TTLL5: variants seen among roughly 807,000 people sequenced by gnomAD.
TTLL5 encodes tubulin tyrosine ligase like 5, also known as tubulin polyglutamylase TTLL5.
TTLL5 carries 132 observed loss-of-function variants against 168.4 expected under a neutral mutation model. That is an observed-to-expected ratio of 0.78 (90% CI 0.68 to 0.91). TTLL5 has a LOEUF of 0.91. TTLL5 is among the 40% of genes least tolerant of loss of function. The pLI, the probability that TTLL5 is intolerant of heterozygous loss-of-function variation, is 0.00. For missense variants in TTLL5, 1,545 were observed against 1,581.5 expected, an observed-to-expected ratio of 0.98 and a Z score of 0.39; for synonymous variants, 546 against 558.6, an observed-to-expected ratio of 0.98 and a Z score of 0.32.
intron 5 of TTLL5, 39 bp from the exon 6 acceptor site, chr14:75,690,153 C>T: frequency 6.2e-7 from 1 of 1,611,382 alleles, no homozygotes; most frequent in Non-Finnish European, 8.5e-7. Context: ...AATTCTGAGT[C>T]ATAGTTTACT....
rs115641568 is a variant in TTLL5, at chr14:75,819,373, A to G, written c.3172-634A>G. ...TTGCCATTTGTGGATACTATCTTTA[A>G]ATATTGTATACCAAAGTGATATGCA... On this transcript the variant is annotated intron_variant, in intron 27 of 31. Coordinates refer to ENST00000298832, the MANE Select transcript of TTLL5 (RefSeq NM_015072.5). Among the ~76,000 whole-genome samples, 1,268 of 152,330 alleles carry G rather than the reference A, an allele frequency of 8.3e-3. 16 individuals carry two copies. Among genetic ancestry groups the G allele is most frequent in the African/African-American group, 0.029 (1,194 of 41,580 alleles).
intron 31 of TTLL5, among the ~76,000 whole-genome samples, chr14:75,946,448 A>G (rs946246990): frequency 2.0e-5 from 3 of 152,256 alleles, no homozygotes; most frequent in Non-Finnish European, 4.4e-5. Flanking sequence ...AAAAGGAAAC[A>G]TGGAAGAGGT....
At chr14:75,883,940 C>A (rs1049691068) in intron 30 of TTLL5, among the ~76,000 whole-genome samples, 2 of 152,170 alleles carry the variant, frequency 1.3e-5, no homozygotes, top group South Asian at 4.1e-4. Flanking sequence ...GGTCTGCAGC[C>A]TCTGTAGCCA....
At chr14:75,952,690 A>G (rs556185851) in intron 31 of TTLL5, among the ~76,000 whole-genome samples, 72 of 152,366 alleles carry the variant, frequency 4.7e-4, no homozygotes, top group Non-Finnish European at 4.7e-4. Context: ...AAAAAGGAGT[A>G]GAGTAGTGAT....
intron 28 of TTLL5, among the ~76,000 whole-genome samples, chr14:75,829,891 C>T (rs2139803411): frequency 6.6e-6 from 1 of 152,286 alleles, no homozygotes; most frequent in South Asian, 2.1e-4. Flanking sequence ...TGAAATCAAG[C>T]TGGCATATCC....
Position 75,719,839 on chromosome 14 carries a change from C to T in TTLL5, c.934+13C>T, listed in dbSNP as rs1887728640. The T allele has an allele frequency of 6.2e-7, 1 of 1,611,540 alleles. No individual in the cohort carries two copies. Among genetic ancestry groups the T allele is most frequent in the Admixed American group, 1.7e-5 (1 of 59,948 alleles). ...AGAGATACAACCGGTGAGTACTGGG[C>T]CTTTTTCCTTCTTGACTTCTCTTCT... is the stretch of plus-strand genomic sequence containing the variant. On this transcript the variant is annotated intron_variant, in intron 11 of 31. Coordinates refer to ENST00000298832, the MANE Select transcript of TTLL5 (RefSeq NM_015072.5).
At chr14:75,731,370 T>TACACACAC (rs1217242558) in intron 12 of TTLL5, among the ~76,000 whole-genome samples, 165 of 78,626 alleles carry the variant, frequency 2.1e-3, no homozygotes, top group African/African-American at 7.3e-3. Context: ...AATATACACA[T>TACACACAC]ACATACACAC....
At chr14:75,703,320 ACT>A (rs757707388) in intron 7 of TTLL5, among the ~76,000 whole-genome samples, 6 of 152,126 alleles carry the variant, frequency 3.9e-5, no homozygotes, top group African/African-American at 1.4e-4. Flanking sequence ...CCTTTTGGAA[ACT>A]CTCTGCAAAT....
chr14:75,776,558 A>C, intron 22 of TTLL5, 189 bp from the exon 23 acceptor site: 1 of 478,246 alleles, frequency 2.1e-6, no homozygotes, highest in Non-Finnish European at 3.7e-6. Context: ...GAATTTCAAA[A>C]TGTTTTACAA....
At chr14:75,908,886 C>T (rs1235982314) in intron 31 of TTLL5, among the ~76,000 whole-genome samples, 1 of 152,156 alleles carries the variant, frequency 6.6e-6, no homozygotes, top group Non-Finnish European at 1.5e-5. Context: ...AAGCGATCCT[C>T]CCACCTCAGC....
At chr14:75,857,381 T>TTAGATAGATAGATAGATAGATAGA (rs75729746) in intron 28 of TTLL5, among the ~76,000 whole-genome samples, 3 of 149,776 alleles carry the variant, frequency 2.0e-5, no homozygotes, top group South Asian at 2.2e-4. Flanking sequence ...GGTTGGTTGA[T>TTAGATAGATAGATAGATAGATAGA]TAGATAGATA....
intron 3 of TTLL5, among the ~76,000 whole-genome samples, chr14:75,679,498 A>G (rs1333314206): frequency 1.3e-5 from 2 of 152,242 alleles, no homozygotes; most frequent in African/African-American, 4.8e-5. Context: ...TTGCCTTACA[A>G]CAACAAATGT....
chr14:75,664,958 C>T (rs1461860867), intron 2 of TTLL5, among the ~76,000 whole-genome samples: 1 of 152,106 alleles, frequency 6.6e-6, no homozygotes, highest in African/African-American at 2.4e-5. Context: ...CAAATACTGA[C>T]GATTGCAGAT....
intron 28 of TTLL5, among the ~76,000 whole-genome samples, chr14:75,829,057 A>G (rs748079763): frequency 6.6e-6 from 1 of 152,266 alleles, no homozygotes; most frequent in Admixed American, 6.5e-5. Flanking sequence ...CTATAAAGCA[A>G]TATGTGCTTA....
chr14:75,663,255 G>T (rs1224000155), intron 2 of TTLL5, 32 bp downstream of exon 2: 3 of 1,585,268 alleles, frequency 1.9e-6, no homozygotes, highest in Non-Finnish European at 2.6e-6. Context: ...TTCAACCTGT[G>T]CTTTGTACTC....
At chr14:75,802,956 T>A (rs1893411893) in intron 27 of TTLL5, among the ~76,000 whole-genome samples, 1 of 152,178 alleles carries the variant, frequency 6.6e-6, no homozygotes, top group African/African-American at 2.4e-5. Flanking sequence ...CTTGTGCATA[T>A]GTAGCGAAAC....
At chr14:75,788,726 AAG>A (rs1291270696) in intron 26 of TTLL5, among the ~76,000 whole-genome samples, 2 of 152,166 alleles carry the variant, frequency 1.3e-5, no homozygotes, top group Non-Finnish European at 2.9e-5. Context: ...AGTGTGGAAA[AAG>A]AGAATTTTCC....
chr14:75,673,067 T>C (rs1343781908), intron 3 of TTLL5, among the ~76,000 whole-genome samples: 1 of 151,728 alleles, frequency 6.6e-6, no homozygotes, highest in East Asian at 1.9e-4. Flanking sequence ...GCCTCCTGAG[T>C]AGCTTGGTCT....
At chr14:75,887,810 C>G (rs560968110) in intron 30 of TTLL5, among the ~76,000 whole-genome samples, 1 of 152,346 alleles carries the variant, frequency 6.6e-6, no homozygotes, top group Admixed American at 6.5e-5. Context: ...ACTCACTCCT[C>G]TCTTTTTCCA....
Sources: gnomAD v4.1 joint callset for allele counts (sites outside exome capture counted in the v4.1 genomes callset) on GRCh38, gnomAD v4.1.1 for gene constraint, MANE v1.5 for transcripts, NCBI Gene and HGNC (gene_info 2026-07-23, HGNC 2026-07-21) for gene names.